VAC14: variants seen among roughly 807,000 people sequenced by gnomAD.
The protein encoded by VAC14 is protein VAC14 homolog.
A neutral mutation model predicts 85.3 loss-of-function variants in VAC14; 47 were observed. The ratio of observed to expected loss-of-function variants is 0.55; its 90% CI spans 0.44 to 0.70. The LOEUF is 0.70. Among genes scored for constraint, VAC14 ranks in the 30% least tolerant of loss-of-function variants. The probability of loss-of-function intolerance (pLI) is 0.00; values close to 1 mark genes in which losing one functional copy is unlikely to be tolerated. For synonymous variants in VAC14, 447 were observed against 430.5 expected, an observed-to-expected ratio of 1.04 and a Z score of -0.47; for missense variants, 861 against 1,004.3, an observed-to-expected ratio of 0.86 and a Z score of 1.93.
chr16:70,788,161 G>T (rs928050341), intron 1 of VAC14, among the ~76,000 whole-genome samples: 2 of 152,218 alleles, frequency 1.3e-5, no homozygotes, highest in Non-Finnish European at 2.9e-5. Context: ...TTCCAGCTCA[G>T]GAGCTTTCTA....
chr16:70,754,060 C>T (rs917286919), intron 12 of VAC14, among the ~76,000 whole-genome samples: 2 of 152,180 alleles, frequency 1.3e-5, no homozygotes, highest in Admixed American at 6.5e-5. Flanking sequence ...AGTTACTGTG[C>T]CCAGCTCTGG....
At chr16:70,708,593 G>C (rs1421496434) in intron 14 of VAC14, among the ~76,000 whole-genome samples, 3 of 152,228 alleles carry the variant, frequency 2.0e-5, no homozygotes, top group Non-Finnish European at 4.4e-5. Flanking sequence ...TTAGAAAAGA[G>C]GCTGCGCCTT....
At chr16:70,736,367 A>G (rs1350347148) in intron 13 of VAC14, among the ~76,000 whole-genome samples, 1 of 152,152 alleles carries the variant, frequency 6.6e-6, no homozygotes, top group Non-Finnish European at 1.5e-5. Context: ...TCTGAGTCTC[A>G]GAATGGATGT....
At position 70,762,591 on chromosome 16, in the gene VAC14, C is replaced by T. The variant is rs78503253; in HGVS notation, c.1320G>A (p.Thr440=). Residue 440 remains threonine (T), a synonymous_variant, in exon 12 of 19, where the codon ACG becomes ACA. Transcript: ENST00000261776. This position sits in a 1 kb window ranked among gnomAD's most constrained non-coding sequence, Gnocchi z 4.1. The stretch of plus-strand genomic sequence containing the variant: ...GCAGTAGGATGGGAAAGAGGCTGTC[C>T]GTGTGCCGGAACATCTGGAGGGCAG... ...IKTPRKMFRH[T]DSLFPILLQT... is the part of the protein sequence containing the mutation. 1,524 of 1,614,032 alleles carry T rather than the reference C, an allele frequency of 9.4e-4. 13 individuals are homozygous for T. The Admixed American group carries it at 0.017, about 18-fold the overall frequency.
At chr16:70,727,426 G>A (rs998455759) in intron 14 of VAC14, among the ~76,000 whole-genome samples, 3 of 152,124 alleles carry the variant, frequency 2.0e-5, no homozygotes, top group South Asian at 2.1e-4. Context: ...TGCAACCTCC[G>A]CCTCCTGGGT....
chr16:70,706,582 G>A (rs917407566), intron 14 of VAC14, among the ~76,000 whole-genome samples: 12 of 152,290 alleles, frequency 7.9e-5, no homozygotes, highest in African/African-American at 2.9e-4. Context: ...TGCGATCTTA[G>A]CTCACTGCAA....
intron 14 of VAC14, among the ~76,000 whole-genome samples, chr16:70,725,301 C>T (rs1033407895): frequency 3.3e-5 from 5 of 152,194 alleles, no homozygotes; most frequent in African/African-American, 4.8e-5. Flanking sequence ...TTGGGAGGGG[C>T]GCCAGTGGTG....
chr16:70,727,849 T>C (rs1367911127), intron 14 of VAC14, among the ~76,000 whole-genome samples: 2 of 152,226 alleles, frequency 1.3e-5, no homozygotes, highest in African/African-American at 4.8e-5. Context: ...TGGCTGGGCC[T>C]GCAACCCTGG....
intron 18 of VAC14, chr16:70,691,871 G>A (rs2053602854): frequency 8.1e-6 from 8 of 985,440 alleles, no homozygotes; most frequent in Non-Finnish European, 9.6e-6. Context: ...TCTCAAGGCT[G>A]CCTGTGTCCA....
At position 70,762,986 on chromosome 16, in the gene VAC14, G is replaced by A. The variant is rs199798469; in HGVS notation, c.1200C>T (p.Ile400=). The A allele has an allele frequency of 4.0e-5, 65 of 1,614,068 alleles. No homozygotes were observed. Among genetic ancestry groups the A allele is most frequent in the Non-Finnish European group, 4.9e-5 (58 of 1,180,034 alleles). ...TGAGGTGGCAGTTTAGGACCTGCACGATCCCGTCGAGGTGAAGGGTCACTG... is the reference window on the plus strand; with the variant it reads ...TGAGGTGGCAGTTTAGGACCTGCACAATCCCGTCGAGGTGAAGGGTCACTG... ...RAPVTLHLDG[I]VQVLNCHLSD... is the part of the protein sequence containing the mutation. Residue 400 remains isoleucine, a synonymous_variant, in exon 11 of 19, where the codon ATC becomes ATT. Transcript: ENST00000261776. The surrounding 1 kb of genome is among the most constrained non-coding windows in gnomAD (Gnocchi z 4.1).
At chr16:70,691,215 G>A (rs1567517620) in intron 18 of VAC14, 27 of 985,352 alleles carry the variant, frequency 2.7e-5, no homozygotes, top group Non-Finnish European at 3.3e-5. Flanking sequence ...CCCCTCCCAA[G>A]ACGAGGAGAT....
At chr16:70,693,351 TCGGGG>T (rs777517302) in intron 17 of VAC14, among the ~76,000 whole-genome samples, 2 of 152,182 alleles carry the variant, frequency 1.3e-5, no homozygotes, top group Non-Finnish European at 2.9e-5. Flanking sequence ...ATACGAGGGC[TCGGGG>T]CCTGTAGTGT....
intron 18 of VAC14, 126 bp downstream of exon 18, chr16:70,692,695 C>CA (rs1451322448): frequency 6.4e-5 from 87 of 1,349,048 alleles, no homozygotes; most frequent in Admixed American, 2.9e-4. Context: ...GTCACAGTGA[C>CA]AAAAGGGGTG....
rs1200365125 is a variant in VAC14 at position 70,702,814 on chromosome 16, G to A, written c.1662-4003C>T. Among the ~76,000 whole-genome samples, 5 of 152,182 alleles carry A rather than the reference G, an allele frequency of 3.3e-5. 1 individual carries two copies. The highest frequency in any genetic ancestry group is 5.9e-5 in the Non-Finnish European group (4 of 68,034). On this transcript the variant is annotated intron_variant, in intron 14 of 18. Transcript: ENST00000261776. ...TCCACTACAGTCCCTAGTCCACACCGGGATCTGTACAGACAGGTGGCCTTG... is the reference window on the plus strand; with the variant it reads ...TCCACTACAGTCCCTAGTCCACACCAGGATCTGTACAGACAGGTGGCCTTG...
At chr16:70,724,151 T>A (rs1299691205) in intron 14 of VAC14, among the ~76,000 whole-genome samples, 1 of 152,156 alleles carries the variant, frequency 6.6e-6, no homozygotes, top group African/African-American at 2.4e-5. Flanking sequence ...GCATTTCCTC[T>A]ACTCCCCTCA....
At chr16:70,693,342 T>C (rs748531153) in intron 17 of VAC14, among the ~76,000 whole-genome samples, 29 of 152,232 alleles carry the variant, frequency 1.9e-4, no homozygotes, top group Non-Finnish European at 3.4e-4. Flanking sequence ...TCCCTGGTGA[T>C]ACGAGGGCTC....
At chr16:70,736,939 G>A (rs750473882) in intron 13 of VAC14, among the ~76,000 whole-genome samples, 19 of 152,152 alleles carry the variant, frequency 1.2e-4, no homozygotes, top group Non-Finnish European at 2.4e-4. Context: ...AGGCCTCAGT[G>A]CTCAGCAGGA....
chr16:70,711,014 A>T (rs927047788), intron 14 of VAC14, among the ~76,000 whole-genome samples: 5 of 152,156 alleles, frequency 3.3e-5, no homozygotes, highest in Non-Finnish European at 4.4e-5. Context: ...CGCCATGCGC[A>T]TGGCTTCAGC....
At chr16:70,771,209 G>C (rs1247897003) in intron 10 of VAC14, 1 of 152,278 alleles carries the variant, frequency 6.6e-6, no homozygotes, top group East Asian at 1.9e-4. Flanking sequence ...CTTGCAGGGA[G>C]TATGGAGGGA....
Sources: gnomAD v4.1 joint callset for allele counts (sites outside exome capture counted in the v4.1 genomes callset) on GRCh38, gnomAD v4.1.1 for gene constraint, Gnocchi (gnomAD v3.1) non-coding constraint, MANE v1.5 for transcripts, NCBI Gene and HGNC (gene_info 2026-07-23, HGNC 2026-07-21) for gene names.